LARP4: variants seen among roughly 807,000 people sequenced by gnomAD.
The protein encoded by LARP4 is la-related protein 4.
In LARP4, 29 loss-of-function variants were observed where a neutral mutation model predicts 92.9. The ratio of observed to expected loss-of-function variants is 0.31; its 90% CI spans 0.23 to 0.43. The LOEUF (loss-of-function observed/expected upper bound fraction) is 0.43. LARP4 is among the 20% of genes least tolerant of loss of function. The pLI is 1.00. For synonymous variants in LARP4, 279 were observed against 284.1 expected (o/e 0.98, Z 0.18); for missense variants, 732 against 860.0 (o/e 0.85, Z 1.86).
At chr12:50,455,243 G>A (rs775875827) in intron 10 of LARP4, among the ~76,000 whole-genome samples, 1 of 152,010 alleles carries the variant, frequency 6.6e-6, no homozygotes, top group East Asian at 1.9e-4. Flanking sequence ...TTGTTGTGGG[G>A]GTAGAGACAG....
intron 1 of LARP4, among the ~76,000 whole-genome samples, chr12:50,416,824 A>G (rs1271736358): frequency 6.6e-6 from 1 of 151,880 alleles, no homozygotes; most frequent in Non-Finnish European, 1.5e-5. Flanking sequence ...AAAAAGTGCA[A>G]AAATTTGCCA....
At chr12:50,475,399 T>C (rs929088853) in intron 15 of LARP4, 127 bp from the exon 16 acceptor site, 2 of 719,632 alleles carry the variant, frequency 2.8e-6, no homozygotes, top group African/African-American at 1.8e-5. Context: ...GCAGTATATA[T>C]GAGAGTGCTT....
chr12:50,467,154 G>C, intron 13 of LARP4, 34 bp downstream of exon 13: 1 of 1,537,054 alleles, frequency 6.5e-7, no homozygotes, highest in South Asian at 1.2e-5. Flanking sequence ...TACCTTATGA[G>C]ACCATATTTA....
chr12:50,444,126 G>C (rs1318587442), intron 8 of LARP4, among the ~76,000 whole-genome samples: 1 of 151,946 alleles, frequency 6.6e-6, no homozygotes, highest in African/African-American at 2.4e-5. Context: ...GGTTAAATTG[G>C]GGACAGCTGG....
chr12:50,440,426 T>G lies in LARP4; in HGVS notation c.640-13T>G, dbSNP rs777990798. On this transcript the variant is annotated splice_polypyrimidine_tract_variant and intron_variant, in intron 6 of 15. Transcript: ENST00000398473. ...TATTTTTTAGAGTTAACTAATTTTC[T>G]TTTTCTTTTTAGGAAGTGAAAGGTT... is the stretch of plus-strand genomic sequence containing the variant. The G allele has an allele frequency of 6.3e-7, 1 of 1,598,606 alleles. No individual in the cohort carries two copies. Among genetic ancestry groups the G allele is most frequent in the South Asian group, 1.1e-5 (1 of 89,972 alleles).
intron 1 of LARP4, among the ~76,000 whole-genome samples, chr12:50,405,446 T>C (rs962807598): frequency 1.0e-5 from 1 of 96,548 alleles, no homozygotes; most frequent in Non-Finnish European, 2.3e-5. Context: ...TCTCTTTTAT[T>C]TACAGTTTTT....
chr12:50,434,411 C>A (rs1007684324), intron 4 of LARP4, among the ~76,000 whole-genome samples: 12 of 137,024 alleles, frequency 8.8e-5, no homozygotes, highest in Admixed American at 2.2e-4. Context: ...TTTTATTTTT[C>A]TTTTTTTTTT....
In LARP4 at chr12:50,479,426, T is replaced by C. The variant is rs969767277; in HGVS notation, c.*3562T>C. 2 of 152,206 alleles carry C rather than the reference T, an allele frequency of 1.3e-5. No individual in the cohort carries two copies. Among genetic ancestry groups the C allele is most frequent in the African/African-American group, 4.8e-5 (2 of 41,454 alleles). 9.4% of individuals were successfully genotyped at this position (152,206 alleles called of 1,614,324 possible). On this transcript the variant is annotated 3_prime_UTR_variant, in exon 16 of 16. Coordinates refer to ENST00000398473, the MANE Select transcript of LARP4 (RefSeq NM_052879.5). ...CTTACAATTTTGGTGGCCATTAATTTAACTTTAGGCTTTTGGGCATATGCT... is the reference window on the plus strand; with the variant it reads ...CTTACAATTTTGGTGGCCATTAATTCAACTTTAGGCTTTTGGGCATATGCT...
chr12:50,455,241 G>C (rs1005022587), intron 10 of LARP4, among the ~76,000 whole-genome samples: 1 of 152,014 alleles, frequency 6.6e-6, no homozygotes, highest in Non-Finnish European at 1.5e-5. Flanking sequence ...TGTTGTTGTG[G>C]GGGTAGAGAC....
chr12:50,436,904 A>G (rs572917639), intron 5 of LARP4, among the ~76,000 whole-genome samples: 14 of 152,308 alleles, frequency 9.2e-5, no homozygotes, highest in African/African-American at 3.1e-4. Context: ...GAGGATTACA[A>G]ACATTTATGG....
chr12:50,439,174 A>G (rs2137548733), intron 6 of LARP4, among the ~76,000 whole-genome samples: 1 of 152,240 alleles, frequency 6.6e-6, no homozygotes, highest in South Asian at 2.1e-4. Context: ...TCTGCGCTCA[A>G]GCAATCTGTG....
rs560319416 is a variant in LARP4 at position 50,476,032 on chromosome 12, C to G, written c.*168C>G. On this transcript the variant is annotated 3_prime_UTR_variant, in exon 16 of 16. Transcript: ENST00000398473. ...TGAGTGATAGGATCCCAAAATTCAT[C>G]TCTAATGTGGTTTTTAAATGCTGGA... is the stretch of plus-strand genomic sequence containing the variant. 27 of 528,722 alleles carry G rather than the reference C, an allele frequency of 5.1e-5. No homozygotes were observed. In the Admixed American group the frequency reaches 6.2e-4, roughly 12 times the overall value. 32.8% of individuals were successfully genotyped at this position (528,722 alleles called of 1,614,324 possible). A position where few individuals can be genotyped will look rare whatever the true frequency, so the allele number is the denominator to read the frequency against.
At chr12:50,418,152 C>G (rs898384179) in intron 1 of LARP4, among the ~76,000 whole-genome samples, 2 of 151,910 alleles carry the variant, frequency 1.3e-5, no homozygotes. Flanking sequence ...TGAGCCACTG[C>G]GCCTGGCCCA....
chr12:50,406,785 C>T (rs1031980136), intron 1 of LARP4, among the ~76,000 whole-genome samples: 2 of 151,988 alleles, frequency 1.3e-5, no homozygotes, highest in Admixed American at 6.6e-5. Flanking sequence ...TGCATGATCT[C>T]GGCTCACTGC....
In LARP4 at chr12:50,430,556, A is replaced by G. The variant is rs370261750; in HGVS notation, c.384A>G (p.Glu128=). Residue 128 remains glutamate, a synonymous_variant, in exon 4 of 16, where the codon GAA becomes GAG. Coordinates refer to ENST00000398473, the MANE Select transcript of LARP4 (RefSeq NM_052879.5). ...AAGAATGTCTGAAGAAACAATTAGA[A>G]TTCTGTTTTTCACGGTATTGCTGTT... ...DLKECLKKQL[E]FCFSRENLSK... is the part of the protein sequence containing the mutation. 62 of 1,602,270 alleles carry G rather than the reference A, an allele frequency of 3.9e-5. No homozygotes were observed. Among genetic ancestry groups the G allele is most frequent in the Middle Eastern group, 1.7e-4 (1 of 5,970 alleles).
intron 1 of LARP4, among the ~76,000 whole-genome samples, chr12:50,419,766 G>A (rs987281914): frequency 2.0e-5 from 3 of 151,998 alleles, no homozygotes; most frequent in African/African-American, 4.8e-5. Flanking sequence ...ACCTATCCAC[G>A]TGGTGGCTCA....
At position 50,400,941 on chromosome 12, in the gene LARP4, A is replaced by G. The variant is rs1054058372; in HGVS notation, c.-70A>G. ...GCGAGTGTGTGTCCTTATCCTAGCA[A>G]TTGGGGCGCGGGCCTGTGAGCCAGT... On this transcript the variant is annotated 5_prime_UTR_variant, in exon 1 of 16. Transcript: ENST00000398473. The G allele has an allele frequency of 6.5e-5, 105 of 1,608,428 alleles. No individual in the cohort carries two copies. The highest frequency in any genetic ancestry group is 8.3e-5 in the Non-Finnish European group (98 of 1,175,062).
At chr12:50,444,668 G>T (rs919867260) in intron 8 of LARP4, among the ~76,000 whole-genome samples, 5 of 152,060 alleles carry the variant, frequency 3.3e-5, no homozygotes, top group African/African-American at 7.2e-5. Flanking sequence ...CTAAAGTTCT[G>T]TGATTTAGAA....
At chr12:50,457,121 C>G (rs1021885355) in intron 10 of LARP4, among the ~76,000 whole-genome samples, 3 of 151,230 alleles carry the variant, frequency 2.0e-5, no homozygotes, top group Admixed American at 6.6e-5. Context: ...CCAGGATGGT[C>G]TCAATCTCTT....
Sources: allele counts gnomAD v4.1 joint callset (sites outside exome capture counted in the v4.1 genomes callset), GRCh38; gene constraint gnomAD v4.1.1; transcripts MANE v1.5; gene names NCBI Gene and HGNC (gene_info 2026-07-23, HGNC 2026-07-21).